The following VAV3 variants were observed in gnomAD, a reference collection of about 807,000 sequenced individuals.
The protein encoded by VAV3 is guanine nucleotide exchange factor VAV3.
A neutral mutation model predicts 131.2 loss-of-function variants in VAV3; 94 were observed. The observed-to-expected ratio is 0.72, with a 90% CI of 0.61 to 0.85. The LOEUF (loss-of-function observed/expected upper bound fraction) is 0.85, where lower values mean the gene tolerates loss of function less well. VAV3 is among the 40% of genes least tolerant of loss of function. The pLI, the probability that VAV3 is intolerant of heterozygous loss-of-function variation, is 0.00. For missense variants in VAV3, 939 were observed against 1,002.7 expected, an observed-to-expected ratio of 0.94 and a Z score of 0.86; for synonymous variants, 349 against 342.0, an observed-to-expected ratio of 1.02 and a Z score of -0.22.
At chr1:107,917,735 G>C (rs1672689306) in intron 1 of VAV3, among the ~76,000 whole-genome samples, 1 of 152,084 alleles carries the variant, frequency 6.6e-6, no homozygotes, top group South Asian at 2.1e-4. Flanking sequence ...GAAATGCTTA[G>C]GCCAGAAATG....
intron 25 of VAV3, among the ~76,000 whole-genome samples, chr1:107,575,015 GCA>G (rs747059484): frequency 1.9e-4 from 5 of 25,916 alleles, no homozygotes; most frequent in African/African-American, 7.8e-4. Flanking sequence ...GCGCGCGCGC[GCA>G]CACGCGCGCG....
chr1:107,698,257 C>A (rs1570773638), intron 17 of VAV3, among the ~76,000 whole-genome samples: 2 of 152,140 alleles, frequency 1.3e-5, no homozygotes, highest in Non-Finnish European at 2.9e-5. Flanking sequence ...AGAAACTAGA[C>A]TTTAATATTT....
chr1:107,704,180 C>T (rs1660306366), intron 17 of VAV3, among the ~76,000 whole-genome samples: 1 of 152,154 alleles, frequency 6.6e-6, no homozygotes, highest in South Asian at 2.1e-4. Flanking sequence ...AATTTAAGAA[C>T]TAAAGATAGA....
intron 15 of VAV3, among the ~76,000 whole-genome samples, chr1:107,714,307 T>C (rs1045086144): frequency 6.6e-6 from 1 of 152,070 alleles, no homozygotes; most frequent in Non-Finnish European, 1.5e-5. Flanking sequence ...TTAAAGAACA[T>C]CAGAATAGTC....
chr1:107,655,812 A>G (rs1326845710), intron 19 of VAV3, among the ~76,000 whole-genome samples: 3 of 152,186 alleles, frequency 2.0e-5, no homozygotes, highest in East Asian at 3.9e-4. Context: ...ACATTTCTCA[A>G]AAAAGACATA....
At chr1:107,645,243 A>C (rs1483715209) in intron 19 of VAV3, among the ~76,000 whole-genome samples, 1 of 151,984 alleles carries the variant, frequency 6.6e-6, no homozygotes, top group Non-Finnish European at 1.5e-5. Context: ...GCCATAATCA[A>C]CTTACAAAGT....
chr1:107,914,884 C>T (rs1323613302), intron 1 of VAV3, among the ~76,000 whole-genome samples: 1 of 152,190 alleles, frequency 6.6e-6, no homozygotes, highest in Non-Finnish European at 1.5e-5. Context: ...AAAGCAGCAG[C>T]AAGGCCTGGA....
intron 25 of VAV3, among the ~76,000 whole-genome samples, chr1:107,581,583 T>G (rs1440638732): frequency 6.6e-6 from 1 of 152,240 alleles, no homozygotes; most frequent in Non-Finnish European, 1.5e-5. Context: ...AAATCATTAG[T>G]GGTTATTATT....
At chr1:107,630,920 C>T (rs77086949) in intron 20 of VAV3, among the ~76,000 whole-genome samples, 1,993 of 152,238 alleles carry the variant, frequency 0.013, 28 homozygotes, top group Admixed American at 0.027. Flanking sequence ...AGTACAGATT[C>T]AACCCAGTTT....
At chr1:107,650,998 A>G (rs1381317524) in intron 19 of VAV3, among the ~76,000 whole-genome samples, 1 of 151,898 alleles carries the variant, frequency 6.6e-6, no homozygotes, top group Non-Finnish European at 1.5e-5. Flanking sequence ...GACATGAATG[A>G]AAGAGGTGGA....
intron 17 of VAV3, among the ~76,000 whole-genome samples, chr1:107,700,146 T>G (rs1261288696): frequency 6.6e-6 from 1 of 152,246 alleles, no homozygotes; most frequent in Non-Finnish European, 1.5e-5. Context: ...TTAAATCAAA[T>G]TTTGTCAGTA....
chr1:107,921,791 G>A (rs1672911036), intron 1 of VAV3, among the ~76,000 whole-genome samples: 1 of 152,096 alleles, frequency 6.6e-6, no homozygotes, highest in South Asian at 2.1e-4. Context: ...AAGAAAATTT[G>A]CAAATAAGAA....
At chr1:107,962,553 G>A (rs1170722431) in intron 1 of VAV3, among the ~76,000 whole-genome samples, 3 of 152,148 alleles carry the variant, frequency 2.0e-5, no homozygotes, top group African/African-American at 7.2e-5. Context: ...CTCATTAAAG[G>A]ATTTAATGAC....
At chr1:107,886,766 A>G (rs1473329719) in intron 1 of VAV3, among the ~76,000 whole-genome samples, 5 of 152,190 alleles carry the variant, frequency 3.3e-5, no homozygotes, top group Admixed American at 6.5e-5. Flanking sequence ...TCTCCCAAGC[A>G]GCACACCCCC....
chr1:107,739,923 A>G lies in VAV3; in HGVS notation c.1502+9045T>C, dbSNP rs999362263. Among the ~76,000 whole-genome samples the G allele has an allele frequency of 2.0e-5, 3 of 152,196 alleles. No individual in the cohort carries two copies. The East Asian group carries it at 5.8e-4, about 29-fold the overall frequency. The stretch of plus-strand genomic sequence containing the variant: ...CTCCAGGGAGGAAATTTCAGAGTAA[A>G]TAACAGGCACAAATGGTATTGCTGC... On this transcript the variant is annotated intron_variant, in intron 15 of 26. Coordinates refer to ENST00000370056, the MANE Select transcript of VAV3 (RefSeq NM_006113.5).
intron 25 of VAV3, among the ~76,000 whole-genome samples, chr1:107,580,329 A>T (rs911657477): frequency 6.6e-6 from 1 of 152,104 alleles, no homozygotes; most frequent in Non-Finnish European, 1.5e-5. Flanking sequence ...CCAGCAAAAC[A>T]CCAAGCAAAG....
intron 1 of VAV3, among the ~76,000 whole-genome samples, chr1:107,958,103 T>A (rs902036809): frequency 2.0e-5 from 3 of 152,328 alleles, no homozygotes; most frequent in African/African-American, 7.2e-5. Flanking sequence ...AGTTTAAAAT[T>A]ATGCTGGCAG....
At chr1:107,826,447 A>G (rs568261407) in intron 2 of VAV3, among the ~76,000 whole-genome samples, 1 of 151,722 alleles carries the variant, frequency 6.6e-6, no homozygotes, top group South Asian at 2.1e-4. Flanking sequence ...GTAAACAGCG[A>G]TAATAAGAAT....
chr1:107,702,258 C>G (rs1195867871), intron 17 of VAV3, among the ~76,000 whole-genome samples: 2 of 152,134 alleles, frequency 1.3e-5, no homozygotes, highest in Non-Finnish European at 2.9e-5. Flanking sequence ...ATGAAACCAT[C>G]AGTTCTCATG....
Sources: gnomAD v4.1 joint callset for allele counts (sites outside exome capture counted in the v4.1 genomes callset) on GRCh38, gnomAD v4.1.1 for gene constraint, MANE v1.5 for transcripts, NCBI Gene and HGNC (gene_info 2026-07-23, HGNC 2026-07-21) for gene names.